SCAF8: variants seen among roughly 807,000 people sequenced by gnomAD.
SCAF8 encodes SR-related and CTD-associated factor 8.
A neutral mutation model predicts 140.5 loss-of-function variants in SCAF8; 23 were observed. The observed-to-expected ratio is 0.16, with a 90% CI of 0.12 to 0.23. The LOEUF is 0.23. Among genes scored for constraint, SCAF8 ranks in the 10% least tolerant of loss-of-function variants. SCAF8 has a pLI of 1.00. For synonymous variants in SCAF8, 575 were observed against 528.9 expected, an observed-to-expected ratio of 1.09 and a Z score of -1.20; for missense variants, 1,397 against 1,555.7, an observed-to-expected ratio of 0.90 and a Z score of 1.72.
chr6:154,784,129 A>G (rs1290288031), intron 3 of SCAF8, among the ~76,000 whole-genome samples: 5 of 60,816 alleles, frequency 8.2e-5, no homozygotes, highest in African/African-American at 6.4e-4. Flanking sequence ...AGATATATAT[A>G]TATATATATA....
intron 1 of SCAF8, among the ~76,000 whole-genome samples, chr6:154,772,200 T>C (rs1482397749): frequency 6.6e-6 from 1 of 152,238 alleles, no homozygotes; most frequent in Non-Finnish European, 1.5e-5. Flanking sequence ...GTTTAAAATC[T>C]GTTGAAGTTG....
intron 1 of SCAF8, among the ~76,000 whole-genome samples, chr6:154,755,280 G>A (rs191460342): frequency 1.3e-4 from 20 of 152,060 alleles, no homozygotes; most frequent in Non-Finnish European, 2.1e-4. Context: ...TTTAGACAGA[G>A]TCTTGCTCTG....
chr6:154,798,082 C>T (rs1777660315), intron 6 of SCAF8, among the ~76,000 whole-genome samples: 1 of 151,344 alleles, frequency 6.6e-6, no homozygotes, highest in African/African-American at 2.4e-5. Context: ...TGTTTGAGGC[C>T]CTGTACCTTG....
At chr6:154,831,703 TAAAAAAAAAAAAAAAAAAAAAAA>T (rs58013583) in intron 19 of SCAF8, among the ~76,000 whole-genome samples, 7 of 48,068 alleles carry the variant, frequency 1.5e-4, no homozygotes, top group African/African-American at 2.1e-4. Flanking sequence ...CTCCTGTTCT[TAAAAAAAAAAAAAAAAAAAAAAA>T]AAAAAAAAAA....
At position 154,733,846 on chromosome 6, in the gene SCAF8, G is replaced by C. The variant is rs1778331642; in HGVS notation, c.-55G>C. 6.5e-7 allele frequency: 1 copy of C among 1,541,302 alleles called. No homozygotes were observed. On this transcript the variant is annotated 5_prime_UTR_variant, in exon 1 of 20. Transcript: ENST00000367178. ...GCCCGCGTCTCGCTCTCCCCACCCA[G>C]TGCAGTGGCCGCCGCCTCTTCCGCC...
chr6:154,827,103 G>T, intron 17 of SCAF8, 69 bp from the exon 18 acceptor site: 2 of 1,232,228 alleles, frequency 1.6e-6, no homozygotes, highest in Non-Finnish European at 2.3e-6. Flanking sequence ...ATTTGTAGCT[G>T]TTGGAATCTT....
intron 4 of SCAF8, among the ~76,000 whole-genome samples, chr6:154,789,727 A>T (rs191787980): frequency 3.0e-4 from 45 of 151,702 alleles, no homozygotes; most frequent in African/African-American, 1.1e-3. Context: ...TTGTATTTTT[A>T]TTGGAGACAG....
At chr6:154,807,292 C>A (rs142273872) in intron 9 of SCAF8, among the ~76,000 whole-genome samples, 1 of 152,132 alleles carries the variant, frequency 6.6e-6, no homozygotes, top group African/African-American at 2.4e-5. Flanking sequence ...CAAAATTTCA[C>A]AGCTTAGAAT....
chr6:154,832,738 A>C lies in SCAF8; in HGVS notation c.3159A>C (p.Pro1053=). ...IDPREGPGRP[P]LDGRDHFGRP... ...CAAGAGAAGGTCCTGGACGGCCTCCACTAGATGGTAGGGATCATTTTGGAA... is the reference window on the plus strand; with the variant it reads ...CAAGAGAAGGTCCTGGACGGCCTCCCCTAGATGGTAGGGATCATTTTGGAA... Residue 1053 remains proline (P), a synonymous_variant, in exon 20 of 20, where the codon CCA becomes CCC. Coordinates refer to ENST00000367178, the MANE Select transcript of SCAF8 (RefSeq NM_014892.5). 2 of 1,613,978 alleles carry C rather than the reference A, an allele frequency of 1.2e-6. No individual in the cohort carries two copies. The highest frequency in any genetic ancestry group is 2.2e-5 in the East Asian group (1 of 44,862).
intron 12 of SCAF8, among the ~76,000 whole-genome samples, chr6:154,810,663 G>A (rs1163882398): frequency 1.3e-5 from 2 of 152,140 alleles, no homozygotes; most frequent in Non-Finnish European, 2.9e-5. Context: ...AACCTTGCAC[G>A]GTTACATGTT....
intron 1 of SCAF8, among the ~76,000 whole-genome samples, chr6:154,735,124 CAAAAAA>C (rs539040149): frequency 1.6e-4 from 11 of 68,666 alleles, no homozygotes; most frequent in Admixed American, 1.6e-4. Context: ...ACTCTGTCTA[CAAAAAA>C]AAAAAAAAGA....
chr6:154,789,567 ACGGAGT>A (rs1777352729), intron 4 of SCAF8, among the ~76,000 whole-genome samples: 1 of 134,700 alleles, frequency 7.4e-6, no homozygotes, highest in Non-Finnish European at 1.6e-5. Flanking sequence ...TTTTTTTGAG[ACGGAGT>A]CTTGCTCTTT....
rs41292924 is a variant in SCAF8, at chr6:154,792,834, G to A, written c.333G>A (p.Val111=). The change falls in exon 5 of 20, where the codon GTG becomes GTA. Residue 111 remains valine (V), a synonymous_variant. Transcript: ENST00000367178. ...CTTTTTTTCTCTAGAGTAAAATAGTGAGAGTACTAAACTTATGGCAGAAGA... is the reference window on the plus strand; with the variant it reads ...CTTTTTTTCTCTAGAGTAAAATAGTAAGAGTACTAAACTTATGGCAGAAGA... ...RCPGDDKSKI[V]RVLNLWQKNN... The A allele has an allele frequency of 2.4e-3, 3,797 of 1,604,280 alleles. 7 individuals carry two copies. The highest frequency in any genetic ancestry group is 2.9e-3 in the Non-Finnish European group (3,418 of 1,175,520).
At chr6:154,794,759 TGG>T (rs1176203256) in intron 5 of SCAF8, among the ~76,000 whole-genome samples, 2,204 of 9,710 alleles carry the variant, frequency 0.23, 190 homozygotes, top group Non-Finnish European at 0.29. Flanking sequence ...ATCCTTTTGG[TGG>T]GGGGGGGGGG....
At chr6:154,810,695 A>G (rs768926831) in intron 12 of SCAF8, among the ~76,000 whole-genome samples, 4 of 152,196 alleles carry the variant, frequency 2.6e-5, no homozygotes, top group Non-Finnish European at 5.9e-5. Flanking sequence ...TATGATTAGA[A>G]CAGATTCGGT....
In SCAF8 at chr6:154,824,201, T is replaced by A. The variant is rs773691422; in HGVS notation, c.1927-33T>A. On this transcript the variant is annotated intron_variant, in intron 16 of 19. Transcript: ENST00000367178. ...TGTTCCAAGATGCAGGTGAATAAAC[T>A]GATGAGTGAACTTTTTTGTCTATCC... 5 of 1,608,714 alleles carry A rather than the reference T, an allele frequency of 3.1e-6. No homozygotes were observed. In the Admixed American group the frequency reaches 8.5e-5, roughly 27 times the overall value.
Position 154,832,441 on chromosome 6 carries a change from C to T in SCAF8, c.2862C>T (p.Pro954=). 6.2e-7 allele frequency: 1 copy of T among 1,614,154 alleles called. No individual in the cohort carries two copies. ...PGIPPQRGIP[P]PSVLDSALHP... ...TTCCACCCCAACGGGGAATCCCACC[C>T]CCATCGGTACTTGATTCAGCTCTTC... Residue 954 remains proline (P), a synonymous_variant, in exon 20 of 20, where the codon CCC becomes CCT. Transcript: ENST00000367178.
intron 5 of SCAF8, among the ~76,000 whole-genome samples, chr6:154,794,779 GGGTGTGTGTGTGTGT>G (rs1777544425): frequency 7.6e-5 from 2 of 26,348 alleles, no homozygotes; most frequent in African/African-American, 3.6e-4. Flanking sequence ...GGGGTGTGGG[GGGTGTGTGTGTGTGT>G]GTGTGTGTGT....
chr6:154,780,750 A>G (rs1305505282), intron 3 of SCAF8, among the ~76,000 whole-genome samples: 1 of 151,922 alleles, frequency 6.6e-6, no homozygotes, highest in African/African-American at 2.4e-5. Context: ...TATGTACCAC[A>G]TTTTCTTTAT....
Sources: gnomAD v4.1 joint callset for allele counts (sites outside exome capture counted in the v4.1 genomes callset) on GRCh38, gnomAD v4.1.1 for gene constraint, MANE v1.5 for transcripts, NCBI Gene and HGNC (gene_info 2026-07-23, HGNC 2026-07-21) for gene names.